The following CDK11A variants were observed in gnomAD, a reference collection of about 807,000 sequenced individuals.
CDK11A encodes the protein cyclin-dependent kinase 11A.
Under a neutral mutation model 83.6 loss-of-function variants are expected in CDK11A, and 55 were observed. The observed-to-expected ratio is 0.66, with a 90% confidence interval of 0.53 to 0.82. The LOEUF (loss-of-function observed/expected upper bound fraction) is 0.82, where lower values mean the gene tolerates loss of function less well. Ranked by LOEUF, CDK11A falls within the 40% of genes least tolerant of loss-of-function variation. The pLI, the probability that CDK11A is intolerant of heterozygous loss-of-function variation, is 0.00. For missense variants in CDK11A, 564 were observed against 810.1 expected, an observed-to-expected ratio of 0.70 and a Z score of 3.69; for synonymous variants, 247 against 302.7, an observed-to-expected ratio of 0.82 and a Z score of 1.91.
At chr1:1,717,425 A>C (rs1323740604) in intron 4 of CDK11A, among the ~76,000 whole-genome samples, 1 of 151,272 alleles carries the variant, frequency 6.6e-6, no homozygotes, top group Non-Finnish European at 1.5e-5. Context: ...AAACTGCTCA[A>C]GCCTAACCCA....
chr1:1,720,530 C>T (rs945785724), intron 3 of CDK11A, among the ~76,000 whole-genome samples: 3 of 150,966 alleles, frequency 2.0e-5, no homozygotes, highest in African/African-American at 7.3e-5. Flanking sequence ...TCCGGAGTAG[C>T]TGGGAGTACA....
In CDK11A at chr1:1,717,062, T is replaced by C. The variant is rs576627740; in HGVS notation, c.356-584A>G. Among the ~76,000 whole-genome samples, 236 of 45,338 alleles carry C rather than the reference T, an allele frequency of 5.2e-3. 7 individuals are homozygous for C. Among genetic ancestry groups the C allele is most frequent in the African/African-American group, 8.6e-3 (228 of 26,648 alleles). 29.7% of individuals were successfully genotyped at this position (45,338 alleles called of 152,430 possible). A position where few individuals can be genotyped will look rare whatever the true frequency, so the allele number is the denominator to read the frequency against. ...TGGGCCACTGCACCCAGTCGAATAA[T>C]CATGATTTTATGTTAAATAAAAAAC... is the stretch of plus-strand genomic sequence containing the variant. On this transcript the variant is annotated intron_variant, in intron 4 of 19. Coordinates refer to ENST00000404249, the MANE Select transcript of CDK11A (RefSeq NM_024011.4).
At chr1:1,710,722 A>C (rs1182687161) in intron 6 of CDK11A, among the ~76,000 whole-genome samples, 2 of 150,406 alleles carry the variant, frequency 1.3e-5, no homozygotes, top group African/African-American at 4.9e-5. Context: ...AGAGAACGAA[A>C]GGAAGATGTG....
chr1:1,703,272 G>A lies in CDK11A; in HGVS notation c.2061-3C>T. On this transcript the variant is annotated splice_polypyrimidine_tract_variant and splice_region_variant and intron_variant, in intron 18 of 19. Coordinates refer to ENST00000404249, the MANE Select transcript of CDK11A (RefSeq NM_024011.4). Reference sequence around the variant, plus strand: ...TCCCGGGGAAGTAGGTCAGGAACCTGGGGGGAGAGGGCCAGAGGCCCAGGA... The same window carrying A: ...TCCCGGGGAAGTAGGTCAGGAACCTAGGGGGAGAGGGCCAGAGGCCCAGGA... 1 of 485,656 alleles carries A rather than the reference G, an allele frequency of 2.1e-6. No individual in the cohort carries two copies. Among genetic ancestry groups the A allele is most frequent in the Non-Finnish European group, 3.3e-6 (1 of 300,110 alleles). The allele number at this position is 485,656 out of a possible 1,614,324, so 30.1% of individuals were successfully genotyped here. A position where few individuals can be genotyped will look rare whatever the true frequency, so the allele number is the denominator to read the frequency against.
chr1:1,703,958 G>A lies in CDK11A; in HGVS notation c.1795-18C>T, dbSNP rs200818680. The A allele has an allele frequency of 2.5e-6, 4 of 1,609,168 alleles. No individual in the cohort carries two copies. Among genetic ancestry groups the A allele is most frequent in the Admixed American group, 1.7e-5 (1 of 59,724 alleles). On this transcript the variant is annotated intron_variant, in intron 16 of 19. Coordinates refer to ENST00000404249, the MANE Select transcript of CDK11A (RefSeq NM_024011.4). ...GAGTATTCCTAAGACGCCAGGAGAGGTGTTCAGGAAGGCCAGTGCCCGCGA... is the reference window on the plus strand; with the variant it reads ...GAGTATTCCTAAGACGCCAGGAGAGATGTTCAGGAAGGCCAGTGCCCGCGA...
In CDK11A at chr1:1,721,752, T is replaced by C. The variant is rs753342989; in HGVS notation, c.112-41A>G. ...AAAGTTAATCATTTTCTTTATAAGT[T>C]TTTTTTTCTTCATAGATAAAAGTAT... On this transcript the variant is annotated intron_variant, in intron 2 of 19. Coordinates refer to ENST00000404249, the MANE Select transcript of CDK11A (RefSeq NM_024011.4). 17 of 1,485,184 alleles carry C rather than the reference T, an allele frequency of 1.1e-5. 1 individual carries two copies. The highest frequency in any genetic ancestry group is 2.8e-5 in the African/African-American group (2 of 70,780). 92.0% of individuals were successfully genotyped at this position (1,485,184 alleles called of 1,614,324 possible).
At chr1:1,704,011 G>C (rs757063230) in intron 16 of CDK11A, 28 bp downstream of exon 16, 2 of 1,602,452 alleles carry the variant, frequency 1.2e-6, no homozygotes, top group South Asian at 1.1e-5. Context: ...TGGGGGACAG[G>C]GGAGGCACTC....
At chr1:1,718,200 G>A (rs36141200) in intron 4 of CDK11A, among the ~76,000 whole-genome samples, 111,707 of 132,380 alleles carry the variant, frequency 0.84, 47,656 homozygotes, top group Non-Finnish European at 0.93. Flanking sequence ...TTTCAGCTAG[G>A]GTATTCTCTC....
At chr1:1,703,744 C>T in intron 17 of CDK11A, 80 bp downstream of exon 17, 2 of 1,570,486 alleles carry the variant, frequency 1.3e-6, no homozygotes, top group Non-Finnish European at 1.7e-6. Context: ...CCATCTCAAC[C>T]CAGCACCTGT....
At chr1:1,704,373 C>A (rs765385807) in intron 14 of CDK11A, 29 bp from the exon 15 acceptor site, 2 of 1,605,310 alleles carry the variant, frequency 1.2e-6, no homozygotes, top group Non-Finnish European at 1.7e-6. Flanking sequence ...CCCATGTGGA[C>A]CCGGCCGCCC....
intron 4 of CDK11A, 103 bp downstream of exon 4, chr1:1,719,225 C>T (rs1644802399): frequency 9.1e-7 from 1 of 1,101,228 alleles, no homozygotes; most frequent in South Asian, 1.7e-5. Context: ...CTACAGTTTG[C>T]TTTCTCTGGT....
chr1:1,704,505 C>T, intron 14 of CDK11A, 45 bp downstream of exon 14: 1 of 1,585,518 alleles, frequency 6.3e-7, no homozygotes, highest in South Asian at 1.1e-5. Flanking sequence ...GACCAGGACA[C>T]TGCCCCCACT....
rs768913380 is a variant in CDK11A at position 1,723,488 on chromosome 1, C to CAAA, written c.-13-660_-13-658dup. Among the ~76,000 whole-genome samples, 81 of 20,626 alleles carry CAAA rather than the reference C, an allele frequency of 3.9e-3. 3 individuals carry two copies. Among genetic ancestry groups the CAAA allele is most frequent in the South Asian group, 0.011 (5 of 446 alleles). 13.5% of individuals were successfully genotyped at this position (20,626 alleles called of 152,430 possible). A position where few individuals can be genotyped will look rare whatever the true frequency, so the allele number is the denominator to read the frequency against. ...ACTGCACTCCAGCAAGACCCCGTCT[C>CAAA]AAAAAAAAAAAAAAAAAAAAAAAAA... On this transcript the variant is annotated intron_variant, in intron 1 of 19. Coordinates refer to ENST00000404249, the MANE Select transcript of CDK11A (RefSeq NM_024011.4).
chr1:1,720,966 G>C lies in CDK11A; in HGVS notation c.227+630C>G, dbSNP rs532042749. On this transcript the variant is annotated intron_variant, in intron 3 of 19. Coordinates refer to ENST00000404249, the MANE Select transcript of CDK11A (RefSeq NM_024011.4). ...TCACAGTAATCCTAGGTCGTGGCTCGCACCTGTAATCCCAGCATTTTGGGA... is the reference window on the plus strand; with the variant it reads ...TCACAGTAATCCTAGGTCGTGGCTCCCACCTGTAATCCCAGCATTTTGGGA... 2.7e-5 allele frequency among the ~76,000 whole-genome samples: 4 copies of C among 150,404 alleles called. 1 individual carries two copies. The highest frequency in any genetic ancestry group is 1.3e-4 in the Admixed American group (2 of 15,016).
intron 5 of CDK11A, among the ~76,000 whole-genome samples, chr1:1,716,018 C>T (rs1644625496): frequency 6.7e-6 from 1 of 150,310 alleles, no homozygotes; most frequent in African/African-American, 2.5e-5. Flanking sequence ...CCTTGACCTC[C>T]CAGGCTCAAG....
chr1:1,708,388 C>T, intron 9 of CDK11A, 143 bp from the exon 10 acceptor site: 4 of 1,430,672 alleles, frequency 2.8e-6, no homozygotes, highest in Non-Finnish European at 3.7e-6. Flanking sequence ...CGCCTGTAAT[C>T]CCAGTGCTTT....
At chr1:1,723,195 G>A (rs1429607132) in intron 1 of CDK11A, among the ~76,000 whole-genome samples, 1 of 40,988 alleles carries the variant, frequency 2.4e-5, no homozygotes, top group Non-Finnish European at 5.5e-5. Context: ...CCAAGACTGC[G>A]CCACTGCACT....
rs1644170194 is a variant in CDK11A at position 1,703,577 on chromosome 1, G to A, written c.1959C>T (p.Leu653=). 2 of 1,585,078 alleles carry A rather than the reference G, an allele frequency of 1.3e-6. No individual in the cohort carries two copies. The highest frequency in any genetic ancestry group is 2.3e-5 in the East Asian group (1 of 43,902). ...TGAAGGTCATCTTTTTGACTACTGG[G>A]AGCTCACTGTAGCCGGGCCAGATTT... ...SEKIWPGYSE[L]PVVKKMTFSE... is the part of the protein sequence containing the mutation. The change falls in exon 18 of 20, where the codon CTC becomes CTT. Residue 653 remains leucine, a synonymous_variant. Transcript: ENST00000404249.
Position 1,704,354 on chromosome 1 carries a change from A to C in CDK11A, c.1565-10T>G, listed in dbSNP as rs1280819186. Reference sequence around the variant, plus strand: ...AGGGTCTTCACCTCCCCTGGGAGGGAGGGAGGCTCCCATGTGGACCCGGCC... The same window carrying C: ...AGGGTCTTCACCTCCCCTGGGAGGGCGGGAGGCTCCCATGTGGACCCGGCC... On this transcript the variant is annotated splice_polypyrimidine_tract_variant and intron_variant, in intron 14 of 19. Coordinates refer to ENST00000404249, the MANE Select transcript of CDK11A (RefSeq NM_024011.4). The C allele has an allele frequency of 1.2e-6, 2 of 1,606,618 alleles. No homozygotes were observed. Among genetic ancestry groups the C allele is most frequent in the Non-Finnish European group, 1.7e-6 (2 of 1,175,984 alleles).
Sources: allele counts gnomAD v4.1 joint callset (sites outside exome capture counted in the v4.1 genomes callset), GRCh38; gene constraint gnomAD v4.1.1; transcripts MANE v1.5; gene names NCBI Gene and HGNC (gene_info 2026-07-23, HGNC 2026-07-21).